The following TCERG1L variants were observed in gnomAD, a reference collection of about 807,000 sequenced individuals.
The protein encoded by TCERG1L is transcription elongation regulator 1-like protein.
TCERG1L carries 37 observed loss-of-function variants against 56.3 expected under a neutral mutation model. That is an observed-to-expected ratio of 0.66 (90% CI 0.51 to 0.87). TCERG1L has a LOEUF of 0.87. TCERG1L is among the 40% of genes least tolerant of loss of function. The pLI is 0.00. For synonymous variants in TCERG1L, 324 were observed against 326.3 expected, an observed-to-expected ratio of 0.99 and a Z score of 0.08; for missense variants, 799 against 774.2, an observed-to-expected ratio of 1.03 and a Z score of -0.38.
chr10:131,182,297 G>A (rs183705012), intron 4 of TCERG1L, among the ~76,000 whole-genome samples: 18 of 152,308 alleles, frequency 1.2e-4, no homozygotes, highest in African/African-American at 3.4e-4. Flanking sequence ...AGGAAAAAAC[G>A]CACATTAAAG....
intron 7 of TCERG1L, among the ~76,000 whole-genome samples, chr10:131,136,343 G>T (rs1197096904): frequency 1.3e-5 from 2 of 151,530 alleles, no homozygotes; most frequent in Non-Finnish European, 2.9e-5. Context: ...GGCATTTCTG[G>T]TTTTTTTTGA....
At chr10:131,105,077 C>T (rs1845339497) in intron 9 of TCERG1L, among the ~76,000 whole-genome samples, 1 of 152,226 alleles carries the variant, frequency 6.6e-6, no homozygotes, top group Non-Finnish European at 1.5e-5. Context: ...CTCAGATGGC[C>T]CTTGCCGTTG....
chr10:131,223,171 C>A (rs769752667), intron 4 of TCERG1L, among the ~76,000 whole-genome samples: 1 of 152,224 alleles, frequency 6.6e-6, no homozygotes, highest in African/African-American at 2.4e-5. Flanking sequence ...GCCAGGAGAC[C>A]AGGAGATCTG....
At chr10:131,258,332 C>G (rs1174722810) in intron 4 of TCERG1L, among the ~76,000 whole-genome samples, 1 of 152,214 alleles carries the variant, frequency 6.6e-6, no homozygotes, top group Non-Finnish European at 1.5e-5. Context: ...TCGAAAAGTA[C>G]CCCAGGGACA....
intron 8 of TCERG1L, among the ~76,000 whole-genome samples, chr10:131,124,662 C>T (rs1845547015): frequency 6.6e-6 from 1 of 152,062 alleles, no homozygotes; most frequent in African/African-American, 2.4e-5. Flanking sequence ...ATCATCGCTG[C>T]CTGTCCGTGG....
chr10:131,102,313 G>A (rs1054176568), intron 10 of TCERG1L, among the ~76,000 whole-genome samples: 2 of 152,244 alleles, frequency 1.3e-5, no homozygotes, highest in African/African-American at 4.8e-5. Context: ...CCCTGAGCCT[G>A]CTCCAGGGAG....
intron 8 of TCERG1L, among the ~76,000 whole-genome samples, chr10:131,122,498 A>G (rs567692871): frequency 6.6e-6 from 1 of 152,348 alleles, no homozygotes; most frequent in South Asian, 2.1e-4. Flanking sequence ...TTGAACAGTG[A>G]GGCTCAGGAT....
intron 4 of TCERG1L, among the ~76,000 whole-genome samples, chr10:131,246,728 A>G (rs1431684511): frequency 6.6e-6 from 1 of 152,052 alleles, no homozygotes; most frequent in Non-Finnish European, 1.5e-5. Context: ...GCTTGGTCCA[A>G]AGAGGAGGAA....
At chr10:131,108,709 G>A (rs1845378868) in intron 9 of TCERG1L, among the ~76,000 whole-genome samples, 1 of 152,220 alleles carries the variant, frequency 6.6e-6, no homozygotes, top group Non-Finnish European at 1.5e-5. Context: ...TGGGGGCATT[G>A]GGCTCCTCAG....
intron 3 of TCERG1L, among the ~76,000 whole-genome samples, chr10:131,274,336 C>T (rs1357852023): frequency 1.3e-5 from 2 of 152,216 alleles, no homozygotes; most frequent in African/African-American, 4.8e-5. Flanking sequence ...CTCAAGGCAG[C>T]CAGGGCCAAC....
intron 6 of TCERG1L, among the ~76,000 whole-genome samples, chr10:131,149,312 C>T (rs1186834128): frequency 1.0e-5 from 1 of 98,062 alleles, no homozygotes; most frequent in Non-Finnish European, 2.8e-5. Flanking sequence ...ACAGCAGACT[C>T]CACACCCAGG....
At chr10:131,166,405 G>A (rs774778683) in intron 5 of TCERG1L, among the ~76,000 whole-genome samples, 1 of 152,364 alleles carries the variant, frequency 6.6e-6, no homozygotes, top group Non-Finnish European at 1.5e-5. Flanking sequence ...TCTTTAAAAC[G>A]CCATTTGGCA....
chr10:131,282,738 C>G (rs1178461829), intron 3 of TCERG1L, among the ~76,000 whole-genome samples: 2 of 152,168 alleles, frequency 1.3e-5, no homozygotes, highest in Non-Finnish European at 2.9e-5. Context: ...CTCTGTTATA[C>G]CAGACACTTT....
At position 131,104,367 on chromosome 10, in the gene TCERG1L, A is replaced by G; in HGVS notation, c.1396-13T>C. On this transcript the variant is annotated splice_polypyrimidine_tract_variant and intron_variant, in intron 9 of 11. Coordinates refer to ENST00000368642, the MANE Select transcript of TCERG1L (RefSeq NM_174937.4). Reference sequence around the variant, plus strand: ...AAAATGCTGATACCTAAAGAAAGATATTCAATAGAGTTGCTGTTAGCGTCT... The same window carrying G: ...AAAATGCTGATACCTAAAGAAAGATGTTCAATAGAGTTGCTGTTAGCGTCT... The G allele has an allele frequency of 6.6e-7, 1 of 1,518,058 alleles. No individual in the cohort carries two copies. The highest frequency in any genetic ancestry group is 2.5e-5 in the East Asian group (1 of 40,772). The allele number at this position is 1,518,058 out of a possible 1,614,324, so 94.0% of individuals were successfully genotyped here. A position where few individuals can be genotyped will look rare whatever the true frequency, so the allele number is the denominator to read the frequency against.
intron 10 of TCERG1L, 58 bp downstream of exon 10, chr10:131,104,207 T>A: frequency 8.1e-7 from 1 of 1,234,154 alleles, no homozygotes; most frequent in Non-Finnish European, 1.2e-6. Flanking sequence ...AGATCCAGGA[T>A]GCAACAGTCG....
intron 8 of TCERG1L, among the ~76,000 whole-genome samples, chr10:131,121,322 C>G (rs1016851761): frequency 6.6e-6 from 1 of 152,172 alleles, no homozygotes; most frequent in African/African-American, 2.4e-5. Flanking sequence ...GGATGACTTG[C>G]TGTACAACCT....
intron 4 of TCERG1L, among the ~76,000 whole-genome samples, chr10:131,255,525 G>A (rs1441552713): frequency 6.6e-6 from 1 of 152,218 alleles, no homozygotes; most frequent in African/African-American, 2.4e-5. Context: ...GGAACATCAC[G>A]TTTCTCAGGC....
At chr10:131,243,969 T>A (rs1007683826) in intron 4 of TCERG1L, among the ~76,000 whole-genome samples, 1 of 152,206 alleles carries the variant, frequency 6.6e-6, no homozygotes, top group Non-Finnish European at 1.5e-5. Flanking sequence ...TGGGGATGGT[T>A]TGCTGTCCCA....
Position 131,260,356 on chromosome 10 carries a change from A to G in TCERG1L, c.759T>C (p.Pro253=). 6.7e-7 allele frequency: 1 copy of G among 1,489,876 alleles called. No homozygotes were observed. Among genetic ancestry groups the G allele is most frequent in the Non-Finnish European group, 8.9e-7 (1 of 1,128,820 alleles). 92.3% of individuals were successfully genotyped at this position (1,489,876 alleles called of 1,614,324 possible). A position where few individuals can be genotyped will look rare whatever the true frequency, so the allele number is the denominator to read the frequency against. ...AGGGGGACGGGCCCCGGAGGTTCTC[A>G]GGGTCCACGGAGACCATGGCAGCGG... ...AAAAAMVSVD[P]ENLRGPSPSS... The change falls in exon 4 of 12, where the codon CCT becomes CCC. Residue 253 remains proline, a synonymous_variant. Coordinates refer to ENST00000368642, the MANE Select transcript of TCERG1L (RefSeq NM_174937.4). The surrounding 1 kb of genome is among the most constrained non-coding windows in gnomAD (Gnocchi z 5.8).
Sources: allele counts gnomAD v4.1 joint callset (sites outside exome capture counted in the v4.1 genomes callset), GRCh38; gene constraint gnomAD v4.1.1; non-coding constraint Gnocchi (gnomAD v3.1); transcripts MANE v1.5; gene names NCBI Gene and HGNC (gene_info 2026-07-23, HGNC 2026-07-21).